The following SMG5 variants were observed in gnomAD, a reference collection of about 807,000 sequenced individuals.
The protein encoded by SMG5 is nonsense-mediated mRNA decay factor SMG5.
In SMG5, 53 loss-of-function variants were observed where a neutral mutation model predicts 122.9. The observed-to-expected ratio is 0.43, with a 90% CI of 0.35 to 0.54. The LOEUF (loss-of-function observed/expected upper bound fraction) is 0.54, where lower values mean the gene tolerates loss of function less well. Among genes scored for constraint, SMG5 ranks in the 20% least tolerant of loss-of-function variants. The pLI, the probability that SMG5 is intolerant of heterozygous loss-of-function variation, is 0.01. For missense variants in SMG5, 1,153 were observed against 1,285.6 expected, an observed-to-expected ratio of 0.90 and a Z score of 1.58; for synonymous variants, 477 against 490.2, an observed-to-expected ratio of 0.97 and a Z score of 0.35.
intron 1 of SMG5, among the ~76,000 whole-genome samples, chr1:156,280,946 T>G (rs1662909633): frequency 1.3e-5 from 2 of 152,242 alleles, no homozygotes; most frequent in Non-Finnish European, 2.9e-5. Context: ...CCAGGCTCCT[T>G]TCTCCTGCTG....
intron 5 of SMG5, among the ~76,000 whole-genome samples, chr1:156,273,674 ATT>A (rs1407450675): frequency 2.1e-5 from 3 of 140,698 alleles, no homozygotes; most frequent in Non-Finnish European, 4.6e-5. Flanking sequence ...TGTAAAGAAT[ATT>A]GTTTGTGAAG....
intron 7 of SMG5, among the ~76,000 whole-genome samples, 185 bp downstream of exon 7, chr1:156,272,135 G>T (rs1662464097): frequency 6.6e-6 from 1 of 152,204 alleles, no homozygotes; most frequent in African/African-American, 2.4e-5. Context: ...AGTGCCTACA[G>T]ATCCAGCGGT....
chr1:156,275,958 G>A (rs1224120055), intron 4 of SMG5, among the ~76,000 whole-genome samples: 2 of 151,910 alleles, frequency 1.3e-5, no homozygotes, highest in African/African-American at 2.4e-5. Context: ...AGGACAACAT[G>A]CACGCACCAC....
intron 6 of SMG5, 68 bp downstream of exon 6, chr1:156,273,293 T>A (rs1662516552): frequency 7.6e-7 from 1 of 1,320,584 alleles, no homozygotes; most frequent in Non-Finnish European, 1.1e-6. Context: ...CTGCCTGCCA[T>A]CTCAACAACA....
In SMG5 at chr1:156,276,276, G is replaced by T. The variant is rs187151208; in HGVS notation, c.454+809C>A. ...TGAGTAGCTGGGATTATAGGTGCAC[G>T]CCACCATGCCCAGCTAATTTTTATA... On this transcript the variant is annotated intron_variant, in intron 4 of 21. Transcript: ENST00000361813. Among the ~76,000 whole-genome samples the T allele has an allele frequency of 7.2e-4, 109 of 151,560 alleles. No individual in the cohort carries two copies. In the East Asian group the frequency reaches 0.019, roughly 27 times the overall value.
At chr1:156,263,922 CAGTT>C (rs1558237380) in intron 12 of SMG5, among the ~76,000 whole-genome samples, 1 of 152,062 alleles carries the variant, frequency 6.6e-6, no homozygotes, top group African/African-American at 2.4e-5. Flanking sequence ...GCAGGGCAGA[CAGTT>C]AGAGGGGAGC....
At chr1:156,275,967 A>C (rs988941528) in intron 4 of SMG5, among the ~76,000 whole-genome samples, 2 of 151,878 alleles carry the variant, frequency 1.3e-5, no homozygotes, top group African/African-American at 4.8e-5. Flanking sequence ...TGCACGCACC[A>C]CCATGCCCAG....
At chr1:156,285,569 G>A (rs151038552), upstream of SMG5, 13 of 1,614,098 alleles carry the variant, frequency 8.1e-6, no homozygotes, top group African/African-American at 9.3e-5. Flanking sequence ...GGAGCTGCCC[G>A]AAGACGATGC....
rs1321584259 is a variant in SMG5, at chr1:156,272,307, G to A, written c.713+13C>T. ...CAAAAGCAGGGCTGGAAAAAGAGCT[G>A]GCAAATACTCACCAGCGCAGGTAGC... On this transcript the variant is annotated intron_variant, in intron 7 of 21. Coordinates refer to ENST00000361813, the MANE Select transcript of SMG5 (RefSeq NM_015327.3). The A allele has an allele frequency of 6.3e-7, 1 of 1,583,632 alleles. No homozygotes were observed. Among genetic ancestry groups the A allele is most frequent in the Non-Finnish European group, 8.6e-7 (1 of 1,161,680 alleles).
the SMG5 span, among the ~76,000 whole-genome samples, chr1:156,289,270 C>T: frequency 2.0e-5 from 3 of 152,134 alleles, no homozygotes; most frequent in African/African-American, 7.2e-5. Context: ...GTCAGGAGAT[C>T]GAGACCATCC....
upstream of SMG5, among the ~76,000 whole-genome samples, chr1:156,286,980 G>T (rs1053811955): frequency 9.2e-5 from 14 of 151,984 alleles, no homozygotes; most frequent in African/African-American, 3.4e-4. Context: ...AAAATTAGCT[G>T]GGCATGGTGG....
At chr1:156,254,105 T>A (rs1661473446) in intron 16 of SMG5, among the ~76,000 whole-genome samples, 2 of 152,188 alleles carry the variant, frequency 1.3e-5, no homozygotes, top group South Asian at 4.1e-4. Context: ...CCAGAAGTTA[T>A]CAGGTTCCCT....
Position 156,250,911 on chromosome 1 carries a change from T to C in SMG5, c.2914A>G (p.Ile972Val). ...GEEDPSGMVT[I>V]ITGLPLDNPS... ...TTGTCCAGTGGAAGGCCTGTGATGA[T>C]GGTCACCATGCCACTCGGATCCTCC... Residue 972 changes from isoleucine (I) to valine (V), a missense_variant, in exon 21 of 22, where the codon ATC becomes GTC. Physicochemically the swap from Ile to Val is conservative, Grantham distance 29 (BLOSUM62 3). Coordinates refer to ENST00000361813, the MANE Select transcript of SMG5 (RefSeq NM_015327.3). 6.2e-7 allele frequency: 1 copy of C among 1,613,940 alleles called. No individual in the cohort carries two copies. The highest frequency in any genetic ancestry group is 8.5e-7 in the Non-Finnish European group (1 of 1,179,896).
At chr1:156,269,700 C>T (rs1441996218) in intron 7 of SMG5, among the ~76,000 whole-genome samples, 1 of 152,004 alleles carries the variant, frequency 6.6e-6, no homozygotes, top group Admixed American at 6.6e-5. Context: ...ACAGTGAGAC[C>T]CCGTCTCTAC....
chr1:156,277,444 T>A (rs781639223), intron 3 of SMG5, among the ~76,000 whole-genome samples: 14 of 151,860 alleles, frequency 9.2e-5, no homozygotes, highest in Non-Finnish European at 1.8e-4. Context: ...CCTAATTACA[T>A]CTGACTCTCT....
intron 1 of SMG5, among the ~76,000 whole-genome samples, chr1:156,282,307 T>C (rs1035801936): frequency 3.3e-5 from 5 of 152,012 alleles, no homozygotes; most frequent in Non-Finnish European, 7.4e-5. Context: ...TACCCAACCC[T>C]TCCAGCCTTC....
chr1:156,272,789 C>T (rs949449305), intron 6 of SMG5, among the ~76,000 whole-genome samples: 3 of 152,092 alleles, frequency 2.0e-5, no homozygotes, highest in Non-Finnish European at 4.4e-5. Context: ...TGGTCTCAAT[C>T]TCCTGACGTC....
chr1:156,260,311 G>T, intron 15 of SMG5, 140 bp downstream of exon 15: 1 of 1,034,766 alleles, frequency 9.7e-7, no homozygotes, highest in Non-Finnish European at 1.4e-6. Flanking sequence ...GAAGAAGGAA[G>T]CACAGCCTGT....
rs948860448 is a variant in SMG5 at position 156,249,495 on chromosome 1, CCA to C, written c.*1090_*1091del. ...CTGAGGCAATCCTGGCTGCAGCCTC[CCA>C]CACACAGCCCTGCTCTTGGTGCGCC... On this transcript the variant is annotated 3_prime_UTR_variant, in exon 22 of 22. Transcript: ENST00000361813. 21 of 350,446 alleles carry C rather than the reference CCA, an allele frequency of 6.0e-5. No individual in the cohort carries two copies. Among genetic ancestry groups the C allele is most frequent in the Non-Finnish European group, 3.4e-5 (6 of 176,288 alleles). The allele number at this position is 350,446 out of a possible 1,614,324, so 21.7% of individuals were successfully genotyped here. A position where few individuals can be genotyped will look rare whatever the true frequency, so the allele number is the denominator to read the frequency against.
Sources: gnomAD v4.1 joint callset for allele counts (sites outside exome capture counted in the v4.1 genomes callset) on GRCh38, gnomAD v4.1.1 for gene constraint, MANE v1.5 for transcripts, NCBI Gene and HGNC (gene_info 2026-07-23, HGNC 2026-07-21) for gene names.